Variants in MDGA2 observed in about 807,000 individuals in gnomAD.
The protein encoded by MDGA2 is MAM domain-containing glycosylphosphatidylinositol anchor protein 2.
In MDGA2, 40 loss-of-function variants were observed where a neutral mutation model predicts 117.8. That is an observed-to-expected ratio of 0.34 (90% CI 0.26 to 0.44). The LOEUF (loss-of-function observed/expected upper bound fraction) is 0.44, where lower values mean the gene tolerates loss of function less well. MDGA2 is among the 20% of genes least tolerant of loss of function. The probability of loss-of-function intolerance (pLI) is 1.00; values close to 1 mark genes in which losing one functional copy is unlikely to be tolerated. For synonymous variants in MDGA2, 452 were observed against 439.0 expected, an observed-to-expected ratio of 1.03 and a Z score of -0.37; for missense variants, 1,123 against 1,250.6, an observed-to-expected ratio of 0.90 and a Z score of 1.54.
chr14:47,155,885 C>CTTTT (rs1883353082), intron 3 of MDGA2, among the ~76,000 whole-genome samples: 3 of 80,444 alleles, frequency 3.7e-5, no homozygotes, highest in Non-Finnish European at 4.9e-5. Context: ...TCTTCTTCTT[C>CTTTT]TTCTTTTTTT....
At chr14:46,911,726 A>T (rs1883712840) in intron 10 of MDGA2, among the ~76,000 whole-genome samples, 1 of 152,240 alleles carries the variant, frequency 6.6e-6, no homozygotes, top group Admixed American at 6.5e-5. Flanking sequence ...ATCCCATGGC[A>T]TATTTCTGGT....
intron 1 of MDGA2, among the ~76,000 whole-genome samples, chr14:47,556,020 T>C (rs1314908874): frequency 6.6e-6 from 1 of 152,198 alleles, no homozygotes; most frequent in Non-Finnish European, 1.5e-5. Context: ...GGGCCTATCT[T>C]GAGCTAGGTT....
chr14:47,158,981 T>A (rs1883522178), intron 3 of MDGA2, among the ~76,000 whole-genome samples: 1 of 152,128 alleles, frequency 6.6e-6, no homozygotes, highest in Middle Eastern at 3.2e-3. Context: ...TATGACATTC[T>A]GGAAAAGGCA....
At chr14:47,462,827 C>T (rs1893519469) in intron 1 of MDGA2, among the ~76,000 whole-genome samples, 1 of 152,112 alleles carries the variant, frequency 6.6e-6, no homozygotes, top group African/African-American at 2.4e-5. Context: ...ATTTGGACTT[C>T]TTCTTCATCC....
intron 7 of MDGA2, among the ~76,000 whole-genome samples, chr14:47,054,694 T>C: frequency 6.6e-6 from 1 of 151,670 alleles, no homozygotes; most frequent in African/African-American, 2.4e-5. Flanking sequence ...TCAGAAATAA[T>C]GCCACATATC....
intron 3 of MDGA2, among the ~76,000 whole-genome samples, chr14:47,173,792 C>T (rs924975585): frequency 2.0e-5 from 3 of 152,100 alleles, no homozygotes; most frequent in African/African-American, 4.8e-5. Flanking sequence ...CAAATTCACA[C>T]ATAACAATAT....
chr14:47,243,306 C>T (rs953325573), intron 2 of MDGA2, among the ~76,000 whole-genome samples: 1 of 151,636 alleles, frequency 6.6e-6, no homozygotes. Flanking sequence ...AGCACCCTGA[C>T]AAAACAGCAC....
At chr14:47,080,070 G>A (rs1890652788) in intron 6 of MDGA2, among the ~76,000 whole-genome samples, 1 of 152,104 alleles carries the variant, frequency 6.6e-6, no homozygotes, top group South Asian at 2.1e-4. Context: ...CTGAAATTCA[G>A]TAAAATAGAA....
intron 6 of MDGA2, among the ~76,000 whole-genome samples, chr14:47,068,440 T>C (rs1890163022): frequency 6.7e-6 from 1 of 148,506 alleles, no homozygotes; most frequent in African/African-American, 2.5e-5. Context: ...ATATTGCTGA[T>C]AAATTACCAA....
intron 3 of MDGA2, among the ~76,000 whole-genome samples, chr14:47,151,951 A>C (rs761809954): frequency 9.2e-5 from 14 of 152,096 alleles, no homozygotes; most frequent in Admixed American, 1.3e-4. Flanking sequence ...AGTTTTCAGC[A>C]AGGAAATTGA....
At chr14:47,599,071 T>C (rs1896597922) in intron 1 of MDGA2, among the ~76,000 whole-genome samples, 1 of 152,064 alleles carries the variant, frequency 6.6e-6, no homozygotes, top group Admixed American at 6.6e-5. Context: ...TCATTCTCTA[T>C]TTGTTTCCCA....
intron 1 of MDGA2, among the ~76,000 whole-genome samples, chr14:47,453,246 C>A (rs1893278487): frequency 6.6e-6 from 1 of 152,008 alleles, no homozygotes; most frequent in African/African-American, 2.4e-5. Context: ...CTGGGCTTTA[C>A]TTTTGATTAT....
chr14:47,219,298 A>AT (rs1329375470), intron 2 of MDGA2, among the ~76,000 whole-genome samples: 1 of 152,012 alleles, frequency 6.6e-6, no homozygotes, highest in Non-Finnish European at 1.5e-5. Context: ...AGTTATCCAC[A>AT]TAATTAAAAT....
chr14:47,023,205 A>AAAAAAAAAAAG (rs1555344160), intron 8 of MDGA2, among the ~76,000 whole-genome samples: 60 of 146,518 alleles, frequency 4.1e-4, no homozygotes, highest in African/African-American at 6.9e-4. Flanking sequence ...TCGTAAAAAA[A>AAAAAAAAAAAG]AAAAAAAAAA....
chr14:46,847,371 G>C (rs892415628), intron 15 of MDGA2, among the ~76,000 whole-genome samples: 4 of 152,014 alleles, frequency 2.6e-5, no homozygotes, highest in African/African-American at 7.2e-5. Context: ...CATTTAAAAT[G>C]GTCTGTTTCA....
intron 2 of MDGA2, among the ~76,000 whole-genome samples, chr14:47,287,831 T>C (rs1462267448): frequency 6.6e-6 from 1 of 152,094 alleles, no homozygotes; most frequent in African/African-American, 2.4e-5. Flanking sequence ...GAGCCCTTAA[T>C]CCAATCCACC....
intron 10 of MDGA2, among the ~76,000 whole-genome samples, chr14:46,905,278 G>C (rs1883444206): frequency 6.6e-6 from 1 of 152,082 alleles, no homozygotes; most frequent in Non-Finnish European, 1.5e-5. Context: ...GGTTAGAAAA[G>C]GCTATTTTTA....
intron 9 of MDGA2, among the ~76,000 whole-genome samples, chr14:46,937,646 G>A (rs1010136080): frequency 3.9e-5 from 6 of 151,998 alleles, no homozygotes; most frequent in African/African-American, 1.4e-4. Context: ...GAAATTAATT[G>A]ACATTTCCAC....
chr14:47,514,221 AT>A (rs948544729), intron 1 of MDGA2, among the ~76,000 whole-genome samples: 69 of 151,436 alleles, frequency 4.6e-4, no homozygotes, highest in Non-Finnish European at 8.0e-4. Context: ...CACTTGGCAT[AT>A]TTTTTTTTCT....
Sources: allele counts gnomAD v4.1 joint callset (sites outside exome capture counted in the v4.1 genomes callset), GRCh38; gene constraint gnomAD v4.1.1; transcripts MANE v1.5; gene names NCBI Gene and HGNC (gene_info 2026-07-23, HGNC 2026-07-21).